ROBO2: variants seen among roughly 807,000 people sequenced by gnomAD.
ROBO2 encodes the protein roundabout guidance receptor 2.
A neutral mutation model predicts 160.8 loss-of-function variants in ROBO2; 53 were observed. The ratio of observed to expected loss-of-function variants is 0.33; its 90% CI spans 0.26 to 0.41. ROBO2 has a LOEUF of 0.41. Ranked by LOEUF, ROBO2 falls within the 10% of genes least tolerant of loss-of-function variation. The pLI, the probability that ROBO2 is intolerant of heterozygous loss-of-function variation, is 1.00. For missense variants in ROBO2, 1,577 were observed against 1,722.4 expected (o/e 0.92, Z 1.49); for synonymous variants, 664 against 611.7 (o/e 1.09, Z -1.26).
intron 2 of ROBO2, among the ~76,000 whole-genome samples, chr3:76,538,202 G>T (rs531887576): frequency 6.6e-6 from 1 of 151,488 alleles, no homozygotes; most frequent in Non-Finnish European, 1.5e-5. Context: ...ATACACATGT[G>T]GGCAAGTGTA....
chr3:77,215,281 T>C (rs1001213115), intron 2 of ROBO2, among the ~76,000 whole-genome samples: 2 of 152,122 alleles, frequency 1.3e-5, no homozygotes, highest in Non-Finnish European at 2.9e-5. Flanking sequence ...GTTCATTTCT[T>C]TTTATTCTTT....
intron 2 of ROBO2, among the ~76,000 whole-genome samples, chr3:76,100,260 T>G (rs2069630052): frequency 2.6e-5 from 4 of 152,200 alleles, no homozygotes; most frequent in African/African-American, 7.2e-5. Context: ...TGTGATTGAT[T>G]TCAGGCTCAA....
In ROBO2 at chr3:77,565,128, C is replaced by G. The variant is rs144780438; in HGVS notation, c.1849+8C>G. The G allele has an allele frequency of 1.0e-3, 1,654 of 1,613,356 alleles. 20 individuals carry two copies. In the African/African-American group the frequency reaches 0.019, roughly 18 times the overall value. On this transcript the variant is annotated splice_region_variant and intron_variant, in intron 12 of 25. Coordinates refer to ENST00000461745, the Ensembl canonical transcript of ROBO2. ...ATCCTGTGCGCACACAAGGTACTTT[C>G]AACAGCTGTCAACAAGACTGGTTCT...
chr3:77,056,714 C>T (rs535205969), intron 1 of ROBO2, among the ~76,000 whole-genome samples: 1 of 152,036 alleles, frequency 6.6e-6, no homozygotes, highest in East Asian at 1.9e-4. Context: ...AACTTTTTTT[C>T]AAATGTATTA....
chr3:75,927,140 T>A (rs543163466), intron 1 of ROBO2, among the ~76,000 whole-genome samples: 1 of 152,330 alleles, frequency 6.6e-6, no homozygotes, highest in Non-Finnish European at 1.5e-5. Context: ...CCTCTTTAAT[T>A]ATTGGCTTAA....
intron 2 of ROBO2, among the ~76,000 whole-genome samples, chr3:76,535,782 A>C (rs1017149703): frequency 6.6e-6 from 1 of 152,126 alleles, no homozygotes; most frequent in African/African-American, 2.4e-5. Context: ...CCTTGAAAGA[A>C]GGTAATGTGG....
intron 2 of ROBO2, among the ~76,000 whole-genome samples, chr3:76,853,227 G>T (rs1054147106): frequency 6.6e-6 from 1 of 151,968 alleles, no homozygotes; most frequent in East Asian, 1.9e-4. Context: ...TTCCAGTAAT[G>T]ATAAAAATGC....
chr3:76,458,569 AT>A (rs2077908491), intron 2 of ROBO2, among the ~76,000 whole-genome samples: 1 of 152,096 alleles, frequency 6.6e-6, no homozygotes, highest in South Asian at 2.1e-4. Flanking sequence ...TTGCTTCCAT[AT>A]TTTTGGGTAT....
intron 2 of ROBO2, among the ~76,000 whole-genome samples, chr3:76,736,201 G>C (rs916424602): frequency 6.6e-6 from 1 of 151,578 alleles, no homozygotes; most frequent in Non-Finnish European, 1.5e-5. Context: ...AGAATGGGGG[G>C]AACCCGGGAG....
At position 76,453,060 on chromosome 3, in the gene ROBO2, A is replaced by G. The variant is rs542844311; in HGVS notation, c.109+515458A>G. ...TTGTAAATTTATTTGAGTTCATTGT[A>G]GATTCTGGATATTAGCCCTTTGTCA... is the stretch of plus-strand genomic sequence containing the variant. On this transcript the variant is annotated intron_variant, in intron 2 of 26. Coordinates refer to the ROBO2 transcript ENST00000487694. Among the ~76,000 whole-genome samples, 524 of 152,196 alleles carry G rather than the reference A, an allele frequency of 3.4e-3. 6 individuals carry two copies. Among genetic ancestry groups the G allele is most frequent in the African/African-American group, 0.012 (507 of 41,516 alleles).
exon 1 of ROBO2, chr3:75,906,931 G>A (rs1946369565): frequency 6.6e-6 from 1 of 152,386 alleles, no homozygotes; most frequent in African/African-American, 2.4e-5. Context: ...GTCCCCCTGG[G>A]TGGAGGCTGC....
At chr3:76,954,569 T>G (rs1265406710) in intron 2 of ROBO2, among the ~76,000 whole-genome samples, 1 of 152,140 alleles carries the variant, frequency 6.6e-6, no homozygotes, top group Non-Finnish European at 1.5e-5. Context: ...AAGAGAAACT[T>G]TAAAATGATG....
intron 2 of ROBO2, among the ~76,000 whole-genome samples, chr3:76,874,596 CAG>C (rs1351081631): frequency 6.6e-6 from 1 of 152,148 alleles, no homozygotes; most frequent in Non-Finnish European, 1.5e-5. Flanking sequence ...ATCAAAGACT[CAG>C]GGGTGAGGAG....
chr3:76,931,775 G>T (rs1054028178), intron 2 of ROBO2, among the ~76,000 whole-genome samples: 1 of 151,958 alleles, frequency 6.6e-6, no homozygotes, highest in African/African-American at 2.4e-5. Flanking sequence ...TTTGCTTCCC[G>T]GATTCAAGCG....
chr3:76,909,979 C>G (rs1437581857), intron 2 of ROBO2, among the ~76,000 whole-genome samples: 3 of 152,124 alleles, frequency 2.0e-5, no homozygotes, highest in Non-Finnish European at 4.4e-5. Flanking sequence ...TTCTTAACAT[C>G]TTGGAGATTT....
chr3:77,072,757 A>T (rs1214035081), intron 1 of ROBO2, among the ~76,000 whole-genome samples: 1 of 152,206 alleles, frequency 6.6e-6, no homozygotes, highest in Admixed American at 6.5e-5. Context: ...TTGTGAATGA[A>T]TATATTTTCT....
At chr3:76,652,507 C>T (rs2091300574) in intron 2 of ROBO2, among the ~76,000 whole-genome samples, 1 of 152,116 alleles carries the variant, frequency 6.6e-6, no homozygotes, top group Admixed American at 6.5e-5. Context: ...ATACTCTGTA[C>T]CTTAAATTCA....
chr3:76,969,100 T>G (rs937184213), intron 2 of ROBO2, among the ~76,000 whole-genome samples: 2 of 152,168 alleles, frequency 1.3e-5, no homozygotes, highest in African/African-American at 4.8e-5. Flanking sequence ...CTTAACTGTT[T>G]ATAAGCTGCA....
chr3:76,157,029 G>C (rs976021126), intron 2 of ROBO2, among the ~76,000 whole-genome samples: 1 of 152,014 alleles, frequency 6.6e-6, no homozygotes, highest in African/African-American at 2.4e-5. Flanking sequence ...TATGTGTGTG[G>C]ATATGTGTGT....
Sources: allele counts gnomAD v4.1 joint callset (sites outside exome capture counted in the v4.1 genomes callset), GRCh38; gene constraint gnomAD v4.1.1; transcripts MANE v1.5; gene names NCBI Gene and HGNC (gene_info 2026-07-23, HGNC 2026-07-21).